Variants in ITIH5 observed in about 807,000 individuals in gnomAD.
The protein encoded by ITIH5 is inter-alpha-trypsin inhibitor heavy chain H5.
ITIH5 carries 65 observed loss-of-function variants against 77.5 expected under a neutral mutation model. That is an observed-to-expected ratio of 0.84 (90% CI 0.69 to 1.03). The LOEUF (loss-of-function observed/expected upper bound fraction) is 1.03. Ranked by LOEUF, ITIH5 falls within the 50% of genes least tolerant of loss-of-function variation. The probability of loss-of-function intolerance (pLI) is 0.00; values close to 1 mark genes in which losing one functional copy is unlikely to be tolerated. For missense variants in ITIH5, 1,208 were observed against 1,213.1 expected (o/e 1.00, Z 0.06); for synonymous variants, 525 against 494.3 (o/e 1.06, Z -0.82).
In ITIH5 at chr10:7,637,234, C is replaced by T. The variant is rs776493293; in HGVS notation, c.646G>A (p.Gly216Arg). The T allele has an allele frequency of 6.2e-7, 1 of 1,607,174 alleles. No individual in the cohort carries two copies. Among genetic ancestry groups the T allele is most frequent in the South Asian group, 1.1e-5 (1 of 91,034 alleles). The change falls in exon 5 of 14, where the codon GGG becomes AGG. Residue 216 changes from glycine (G) to arginine (R), a missense_variant. By Grantham distance (125) the Gly-to-Arg change is moderately radical. Transcript: ENST00000397146. The stretch of plus-strand genomic sequence containing the variant: ...CCCAGCACGCAGGACTCACCTTCCC[C>T]GCGCCCACTGCCCCTCTGCCTGCTG... ...HNSRQRGSGR[G>R]EDDSGPPPST...
intron 5 of ITIH5, among the ~76,000 whole-genome samples, chr10:7,634,652 A>G (rs748545376): frequency 7.9e-5 from 12 of 152,172 alleles, no homozygotes; most frequent in Non-Finnish European, 1.6e-4. Context: ...AACAAAACAC[A>G]TACACACCCC....
At chr10:7,655,603 T>C in intron 2 of ITIH5, 28 bp downstream of exon 2, 1 of 1,582,454 alleles carries the variant, frequency 6.3e-7, no homozygotes. Context: ...GGGAATGGAC[T>C]TTCAAGATGC....
chr10:7,658,375 T>C (rs1193568402), intron 1 of ITIH5, among the ~76,000 whole-genome samples: 1 of 152,148 alleles, frequency 6.6e-6, no homozygotes, highest in Non-Finnish European at 1.5e-5. Flanking sequence ...CAATAGAACA[T>C]GGGATGGAGA....
intron 7 of ITIH5, among the ~76,000 whole-genome samples, chr10:7,604,252 C>T (rs1833077708): frequency 1.3e-5 from 2 of 152,218 alleles, no homozygotes; most frequent in African/African-American, 4.8e-5. Flanking sequence ...ATGTTGTCTT[C>T]CTGCATCAGT....
At chr10:7,652,388 G>A (rs921533826) in intron 2 of ITIH5, among the ~76,000 whole-genome samples, 4 of 152,154 alleles carry the variant, frequency 2.6e-5, no homozygotes, top group East Asian at 3.9e-4. Flanking sequence ...AGCAGGAGGC[G>A]CATCACGCAG....
chr10:7,590,693 G>T (rs191269978), intron 7 of ITIH5, among the ~76,000 whole-genome samples: 3 of 152,348 alleles, frequency 2.0e-5, no homozygotes, highest in East Asian at 3.9e-4. Context: ...GAGCAGCGCT[G>T]CTGGGAAGCT....
intron 4 of ITIH5, among the ~76,000 whole-genome samples, chr10:7,640,430 T>C (rs1052022977): frequency 6.6e-6 from 1 of 150,638 alleles, no homozygotes; most frequent in African/African-American, 2.4e-5. Context: ...TGAGCTATGA[T>C]TGCACCACTG....
chr10:7,635,060 A>G (rs932216420), intron 5 of ITIH5, among the ~76,000 whole-genome samples: 17 of 152,046 alleles, frequency 1.1e-4, no homozygotes, highest in Admixed American at 1.1e-3. Flanking sequence ...AAGTGCTGGG[A>G]TTACAGGTGT....
chr10:7,616,680 T>C (rs753350324), intron 6 of ITIH5, among the ~76,000 whole-genome samples: 5 of 151,732 alleles, frequency 3.3e-5, no homozygotes, highest in Non-Finnish European at 7.4e-5. Context: ...ATACAAAAAT[T>C]AGTGGGGCGT....
At chr10:7,611,065 T>G (rs1202052591) in intron 7 of ITIH5, among the ~76,000 whole-genome samples, 2 of 152,278 alleles carry the variant, frequency 1.3e-5, no homozygotes, top group South Asian at 2.1e-4. Context: ...TTGTATCCAT[T>G]TGCACTTCTG....
At chr10:7,597,044 C>CAAAAAAAAAAAAAAAAA (rs71383924) in intron 7 of ITIH5, among the ~76,000 whole-genome samples, 938 of 36,792 alleles carry the variant, frequency 0.025, 165 homozygotes, top group Middle Eastern at 0.038. Flanking sequence ...GTCTCCAACT[C>CAAAAAAAAAAAAAAAAA]AAAAAAAAAA....
intron 2 of ITIH5, among the ~76,000 whole-genome samples, chr10:7,644,398 C>T (rs113341724): frequency 0.53 from 65,420 of 122,736 alleles, 17,947 homozygotes; most frequent in African/African-American, 0.65. Flanking sequence ...ACATATATCA[C>T]ATATATCACA....
chr10:7,570,795 T>A (rs1554747599), intron 11 of ITIH5, among the ~76,000 whole-genome samples: 1 of 152,100 alleles, frequency 6.6e-6, no homozygotes. Flanking sequence ...GCTAATTTTT[T>A]ATTTTTTGTA....
chr10:7,560,369 ACACACGATTCAATTAAATGTTGAATGT>A lies in ITIH5; in HGVS notation c.*2687_*2713del, dbSNP rs1832018763. The A allele has an allele frequency of 6.6e-6, 1 of 152,558 alleles. No homozygotes were observed. The highest frequency in any genetic ancestry group is 2.4e-5 in the African/African-American group (1 of 41,462). The allele number at this position is 152,558 out of a possible 1,614,324, so 9.5% of individuals were successfully genotyped here. ...TCCTGTTCCTAATCCACCTATCAGG[ACACACGATTCAATTAAATGTTGAATGT>A]TACTCCCTAGAGAAACACAGAGGTG... On this transcript the variant is annotated 3_prime_UTR_variant, in exon 14 of 14. Transcript: ENST00000397146.
At chr10:7,580,174 G>A (rs780574027) in intron 8 of ITIH5, 110 bp from the exon 9 acceptor site, 37 of 907,136 alleles carry the variant, frequency 4.1e-5, no homozygotes, top group Non-Finnish European at 5.8e-5. Context: ...AGGCTGGAGT[G>A]CAATGGCGCA....
intron 5 of ITIH5, among the ~76,000 whole-genome samples, chr10:7,629,855 C>A (rs1020510238): frequency 7.2e-5 from 11 of 152,164 alleles, no homozygotes; most frequent in African/African-American, 2.7e-4. Flanking sequence ...TCCATCTTTA[C>A]ATCAATGACT....
intron 5 of ITIH5, among the ~76,000 whole-genome samples, chr10:7,631,672 C>T (rs868295365): frequency 6.6e-6 from 1 of 152,012 alleles, no homozygotes; most frequent in East Asian, 1.9e-4. Flanking sequence ...TCTACACTGG[C>T]CTGTATCTGA....
intron 5 of ITIH5, chr10:7,621,126 T>C (rs2131043504): frequency 6.6e-6 from 1 of 152,352 alleles, no homozygotes; most frequent in Non-Finnish European, 1.5e-5. Flanking sequence ...AGCTTACACA[T>C]GGTCTGTGTG....
At chr10:7,613,765 G>C (rs925338175) in intron 7 of ITIH5, among the ~76,000 whole-genome samples, 4 of 152,184 alleles carry the variant, frequency 2.6e-5, no homozygotes, top group African/African-American at 9.7e-5. Context: ...AGACCGAAGA[G>C]ACACCTGAGA....
Sources: allele counts gnomAD v4.1 joint callset (sites outside exome capture counted in the v4.1 genomes callset), GRCh38; gene constraint gnomAD v4.1.1; transcripts MANE v1.5; gene names NCBI Gene and HGNC (gene_info 2026-07-23, HGNC 2026-07-21).